MACROD2: variants seen among roughly 807,000 people sequenced by gnomAD.
The protein encoded by MACROD2 is ADP-ribose glycohydrolase MACROD2.
A neutral mutation model predicts 70.4 loss-of-function variants in MACROD2; 36 were observed. The ratio of observed to expected loss-of-function variants is 0.51; its 90% CI spans 0.39 to 0.68. The LOEUF (loss-of-function observed/expected upper bound fraction) is 0.68. MACROD2 is among the 30% of genes least tolerant of loss of function. The pLI, the probability that MACROD2 is intolerant of heterozygous loss-of-function variation, is 0.00. For missense variants in MACROD2, 496 were observed against 538.4 expected, an observed-to-expected ratio of 0.92 and a Z score of 0.78; for synonymous variants, 172 against 178.8, an observed-to-expected ratio of 0.96 and a Z score of 0.30.
chr20:16,018,418 T>C (rs1046228042), intron 15 of MACROD2, among the ~76,000 whole-genome samples: 3 of 152,204 alleles, frequency 2.0e-5, no homozygotes, highest in African/African-American at 4.8e-5. Context: ...CTCTTTATAG[T>C]AGCTGTTTCA....
chr20:15,659,324 T>C (rs1350218574), intron 8 of MACROD2, among the ~76,000 whole-genome samples: 2 of 143,154 alleles, frequency 1.4e-5, no homozygotes, highest in African/African-American at 5.2e-5. Context: ...TTTTTTTTTT[T>C]TTTTTTTTTG....
intron 8 of MACROD2, among the ~76,000 whole-genome samples, chr20:15,746,095 A>T (rs1367878336): frequency 6.6e-6 from 1 of 152,092 alleles, no homozygotes; most frequent in Non-Finnish European, 1.5e-5. Context: ...GATTGCCTTA[A>T]CTGTATATAA....
chr20:14,290,752 A>C (rs988336971), intron 3 of MACROD2, among the ~76,000 whole-genome samples: 2 of 151,742 alleles, frequency 1.3e-5, no homozygotes, highest in Non-Finnish European at 2.9e-5. Context: ...CAGTTGATCC[A>C]CCCGCCTCAG....
At chr20:15,528,381 A>G (rs1436064441) in intron 8 of MACROD2, among the ~76,000 whole-genome samples, 3 of 152,190 alleles carry the variant, frequency 2.0e-5, no homozygotes, top group Non-Finnish European at 4.4e-5. Flanking sequence ...TTGGCCTCCC[A>G]AAGTGCTGGG....
At chr20:15,917,738 G>C (rs147070025) in intron 10 of MACROD2, among the ~76,000 whole-genome samples, 1 of 151,518 alleles carries the variant, frequency 6.6e-6, no homozygotes, top group African/African-American at 2.4e-5. Flanking sequence ...AAAAATCTAC[G>C]TTTTATTTTT....
intron 3 of MACROD2, among the ~76,000 whole-genome samples, chr20:14,432,077 A>G (rs187675528): frequency 1.6e-4 from 25 of 152,272 alleles, no homozygotes; most frequent in South Asian, 1.2e-3. Flanking sequence ...TATTTGGCTG[A>G]AGAATATCAT....
intron 4 of MACROD2, among the ~76,000 whole-genome samples, chr20:14,505,623 T>C (rs2084960320): frequency 6.6e-6 from 1 of 152,242 alleles, no homozygotes; most frequent in Admixed American, 6.5e-5. Flanking sequence ...CTTGGAGGGC[T>C]TGTTAAAACA....
At chr20:15,096,722 G>C (rs563892376) in intron 5 of MACROD2, among the ~76,000 whole-genome samples, 1 of 151,614 alleles carries the variant, frequency 6.6e-6, no homozygotes, top group Non-Finnish European at 1.5e-5. Flanking sequence ...ATGTTGACCA[G>C]GCTGGTCTGG....
chr20:15,480,893 TCC>T (rs2047088191), intron 7 of MACROD2, among the ~76,000 whole-genome samples: 1 of 152,136 alleles, frequency 6.6e-6, no homozygotes, highest in South Asian at 2.1e-4. Context: ...GTTACATTAT[TCC>T]CCCACACTTC....
intron 5 of MACROD2, among the ~76,000 whole-genome samples, chr20:15,066,519 A>C (rs929431201): frequency 3.3e-5 from 5 of 152,140 alleles, no homozygotes; most frequent in African/African-American, 1.2e-4. Flanking sequence ...AAGTCATACG[A>C]CAAAAACCAA....
intron 5 of MACROD2, among the ~76,000 whole-genome samples, chr20:14,806,473 A>G (rs114667868): frequency 0.014 from 2,071 of 152,084 alleles, 53 homozygotes; most frequent in African/African-American, 0.047. Flanking sequence ...AGGTGCCTAT[A>G]CCACCAGGGC....
chr20:14,447,722 C>A (rs2084198691), intron 3 of MACROD2, among the ~76,000 whole-genome samples: 1 of 151,832 alleles, frequency 6.6e-6, no homozygotes, highest in Non-Finnish European at 1.5e-5. Flanking sequence ...TCCAGATGGG[C>A]CAAAGGTCTG....
At chr20:14,961,313 A>C (rs2074581449) in intron 5 of MACROD2, among the ~76,000 whole-genome samples, 1 of 152,192 alleles carries the variant, frequency 6.6e-6, no homozygotes. Flanking sequence ...CATTTTACAG[A>C]CTGAAGAAAT....
At chr20:15,807,732 G>A (rs1002812499) in intron 8 of MACROD2, among the ~76,000 whole-genome samples, 1 of 151,906 alleles carries the variant, frequency 6.6e-6, no homozygotes, top group African/African-American at 2.4e-5. Flanking sequence ...TCTTAATGTG[G>A]CTATCAGAAG....
intron 6 of MACROD2, among the ~76,000 whole-genome samples, chr20:15,321,393 G>A (rs1384709447): frequency 6.9e-6 from 1 of 144,070 alleles, no homozygotes. Context: ...GCTTCACTGA[G>A]CAGGCCCATA....
intron 5 of MACROD2, among the ~76,000 whole-genome samples, chr20:14,962,208 A>G (rs1394924071): frequency 6.6e-6 from 1 of 152,082 alleles, no homozygotes; most frequent in Non-Finnish European, 1.5e-5. Flanking sequence ...AATCTCTTCC[A>G]GCCTATAACT....
intron 8 of MACROD2, among the ~76,000 whole-genome samples, chr20:15,664,036 T>A (rs1485419896): frequency 1.3e-5 from 2 of 152,222 alleles, no homozygotes; most frequent in Non-Finnish European, 2.9e-5. Flanking sequence ...AATAAATCAG[T>A]TGGTCAGTCT....
At chr20:16,036,024 C>T (rs988922309) in intron 15 of MACROD2, among the ~76,000 whole-genome samples, 4 of 151,918 alleles carry the variant, frequency 2.6e-5, no homozygotes, top group Admixed American at 2.0e-4. Flanking sequence ...CATTTCTGAA[C>T]GCATTATCTA....
intron 15 of MACROD2, among the ~76,000 whole-genome samples, chr20:16,034,958 A>G (rs1218437142): frequency 2.0e-5 from 3 of 150,118 alleles, no homozygotes; most frequent in East Asian, 3.9e-4. Flanking sequence ...ATAGTCTCCA[A>G]TCTCATCCAT....
Sources: allele counts gnomAD v4.1 joint callset (sites outside exome capture counted in the v4.1 genomes callset), GRCh38; gene constraint gnomAD v4.1.1; transcripts MANE v1.5; gene names NCBI Gene and HGNC (gene_info 2026-07-23, HGNC 2026-07-21).